The following KANTR variants were observed in gnomAD, a reference collection of about 807,000 sequenced individuals.
KANTR encodes KDM5C adjacent transcript.
chrX:53,143,080 T>C, downstream of KANTR: 1 of 1,201,417 alleles, frequency 8.3e-7, no homozygotes, highest in Non-Finnish European at 1.1e-6. Context: ...CATGATGGAG[T>C]TGAAGGTGGT....
At chrX:53,137,593 C>T (rs150191719) in intron 2 of KANTR, among the ~76,000 whole-genome samples, 1,103 of 109,201 alleles carry the variant, frequency 0.01, 15 homozygotes, top group African/African-American at 0.035. Flanking sequence ...GGAGAAAGCC[C>T]GTCTCTACTA....
intron 2 of KANTR, among the ~76,000 whole-genome samples, chrX:53,119,044 CTTTTTTTTT>C (rs59837494): frequency 2.8e-5 from 2 of 70,511 alleles, no homozygotes; most frequent in South Asian, 7.4e-4. Context: ...ATTTTTCTTT[CTTTTTTTTT>C]TTTTTTTTTG....
chrX:53,120,833 T>TG (rs1556815393), intron 2 of KANTR, among the ~76,000 whole-genome samples: 3 of 110,442 alleles, frequency 2.7e-5, no homozygotes, highest in Admixed American at 9.7e-5. Context: ...GCAATTCTCC[T>TG]ACTCAGCCTT....
exon 2 of KANTR, chrX:53,099,480 T>C (rs956933609): frequency 1.8e-5 from 2 of 112,145 alleles, no homozygotes; most frequent in Non-Finnish European, 3.8e-5. Flanking sequence ...AGTTGCTTCC[T>C]CTACTGAAGT....
At chrX:53,095,735 G>C (rs989625871) in intron 1 of KANTR, among the ~76,000 whole-genome samples, 1 of 111,185 alleles carries the variant, frequency 9.0e-6, no homozygotes, top group African/African-American at 3.3e-5. Context: ...AGAAGCCACA[G>C]GTAGAGTGAC....
At chrX:53,147,034 T>C (rs1441588734), downstream of KANTR, among the ~76,000 whole-genome samples, 2 of 111,866 alleles carry the variant, frequency 1.8e-5, no homozygotes, top group African/African-American at 3.3e-5. Context: ...TAAAGACCAT[T>C]GAGGCTAGGA....
At chrX:53,105,820 G>C (rs939339357) in intron 2 of KANTR, among the ~76,000 whole-genome samples, 21 of 100,651 alleles carry the variant, frequency 2.1e-4, no homozygotes, top group African/African-American at 7.7e-4. Context: ...TATGTATCTG[G>C]ATATAAGTCC....
intron 2 of KANTR, among the ~76,000 whole-genome samples, chrX:53,120,516 A>G (rs1556815334): frequency 9.0e-6 from 1 of 111,005 alleles, no homozygotes. Flanking sequence ...GTCTTCTGGC[A>G]GAGCTTTATG....
At chrX:53,133,125 C>T (rs6654696) in intron 2 of KANTR, among the ~76,000 whole-genome samples, 1 of 109,836 alleles carries the variant, frequency 9.1e-6, no homozygotes, top group South Asian at 4.0e-4. Flanking sequence ...CCCAGCACTT[C>T]GAAAGGCCGA....
chrX:53,097,370 T>TTTTTTTTTTA (rs1932853350), intron 1 of KANTR, among the ~76,000 whole-genome samples: 1 of 99,235 alleles, frequency 1.0e-5, no homozygotes. Context: ...TTTTTTTTTT[T>TTTTTTTTTTA]GAGACAGAAT....
At chrX:53,121,657 A>G (rs1933223746) in intron 2 of KANTR, among the ~76,000 whole-genome samples, 1 of 109,203 alleles carries the variant, frequency 9.2e-6, no homozygotes, top group Admixed American at 9.8e-5. Context: ...CATTAAGCCG[A>G]GAATGACCTT....
chrX:53,136,450 C>G (rs1301886722), intron 2 of KANTR, among the ~76,000 whole-genome samples: 1 of 103,079 alleles, frequency 9.7e-6, no homozygotes, highest in Non-Finnish European at 2.0e-5. Flanking sequence ...GTTGGCCAGG[C>G]TGGTCTTGAA....
At chrX:53,104,468 C>A (rs1932923651) in intron 2 of KANTR, among the ~76,000 whole-genome samples, 2 of 110,167 alleles carry the variant, frequency 1.8e-5, no homozygotes, top group African/African-American at 3.3e-5. Context: ...CTCAAGTGAT[C>A]CACCCGCCTC....
downstream of KANTR, among the ~76,000 whole-genome samples, chrX:53,147,253 A>C (rs781795640): frequency 1.1e-3 from 118 of 111,955 alleles, 1 homozygote; most frequent in African/African-American, 3.6e-3. Flanking sequence ...CATAGGCTCA[A>C]AATAAAGGGA....
At chrX:53,147,880 C>T (rs1569243365) in intron 3 of KANTR, among the ~76,000 whole-genome samples, 1 of 111,498 alleles carries the variant, frequency 9.0e-6, no homozygotes. Context: ...GGGTACATAA[C>T]GAAATGAAGG....
intron 1 of KANTR, among the ~76,000 whole-genome samples, chrX:53,099,267 G>A (rs1569232974): frequency 9.0e-6 from 1 of 111,314 alleles, no homozygotes; most frequent in African/African-American, 3.3e-5. Context: ...CAGCTATTCA[G>A]GAGACTGAGG....
chrX:53,115,406 C>T (rs368465722), intron 2 of KANTR, among the ~76,000 whole-genome samples: 2 of 112,148 alleles, frequency 1.8e-5, no homozygotes, highest in African/African-American at 6.5e-5. Context: ...CAGCCCCATG[C>T]TGGGGATGGT....
At chrX:53,129,065 C>CTTT (rs10550250), downstream of KANTR, among the ~76,000 whole-genome samples, 49 of 55,442 alleles carry the variant, frequency 8.8e-4, no homozygotes, top group African/African-American at 1.5e-3. Flanking sequence ...TCTTCTTCTT[C>CTTT]TTTTTTTTTT....
exon 3 of KANTR, chrX:53,124,363 G>T: frequency 3.4e-6 from 1 of 296,577 alleles, no homozygotes; most frequent in East Asian, 4.8e-5. Context: ...TATTTTATTA[G>T]TCTTTTCAAA....
Sources: gnomAD v4.1 joint callset for allele counts (sites outside exome capture counted in the v4.1 genomes callset) on GRCh38, gnomAD v4.1.1 for gene constraint, MANE v1.5 for transcripts, NCBI Gene and HGNC (gene_info 2026-07-23, HGNC 2026-07-21) for gene names.